ATXN7L1: variants seen among roughly 807,000 people sequenced by gnomAD.
ATXN7L1 encodes ataxin 7 like 1, also known as ataxin-7-like protein 1.
ATXN7L1 carries 15 observed loss-of-function variants against 70.8 expected under a neutral mutation model. The ratio of observed to expected loss-of-function variants is 0.21; its 90% confidence interval spans 0.14 to 0.33. The LOEUF is 0.33. Ranked by LOEUF, ATXN7L1 falls within the 10% of genes least tolerant of loss-of-function variation. ATXN7L1 has a pLI of 1.00. For synonymous variants in ATXN7L1, 440 were observed against 445.1 expected, an observed-to-expected ratio of 0.99 and a Z score of 0.14; for missense variants, 975 against 1,097.1, an observed-to-expected ratio of 0.89 and a Z score of 1.57.
At chr7:105,609,611 T>C (rs1330079415) in intron 11 of ATXN7L1, among the ~76,000 whole-genome samples, 1 of 150,300 alleles carries the variant, frequency 6.7e-6, no homozygotes, top group East Asian at 2.0e-4. Context: ...ACTACAGGCA[T>C]CTGCTGCCAT....
rs113510362 is a variant in ATXN7L1 at position 105,722,899 on chromosome 7, A to C, written c.356-57611T>G. Among the ~76,000 whole-genome samples the C allele has an allele frequency of 4.4e-3, 652 of 146,664 alleles. 3 individuals are homozygous for C. Among genetic ancestry groups the C allele is most frequent in the African/African-American group, 0.016 (592 of 36,460 alleles). On this transcript the variant is annotated intron_variant, in intron 3 of 11. Transcript: ENST00000419735. Reference sequence around the variant, plus strand: ...GACTCCGGCTCAAAGAAATAAAATAAAATAAAATAAAATAATAAAATAAGA... The same window carrying C: ...GACTCCGGCTCAAAGAAATAAAATACAATAAAATAAAATAATAAAATAAGA...
intron 3 of ATXN7L1, among the ~76,000 whole-genome samples, chr7:105,675,271 T>A (rs1268139365): frequency 6.6e-6 from 1 of 152,318 alleles, no homozygotes. Context: ...TACACTCACA[T>A]TCACAAGGAA....
intron 3 of ATXN7L1, among the ~76,000 whole-genome samples, chr7:105,753,085 C>T (rs1226578181): frequency 6.6e-6 from 1 of 152,214 alleles, no homozygotes; most frequent in East Asian, 1.9e-4. Context: ...GTGATGTGAG[C>T]CACAGAGCTG....
chr7:105,664,573 G>GTATATATATATATATATATATATA (rs1802272602), intron 4 of ATXN7L1, among the ~76,000 whole-genome samples: 1 of 112,754 alleles, frequency 8.9e-6, no homozygotes, highest in African/African-American at 3.6e-5. Context: ...ATGTATGTGT[G>GTATATATATATATATATATATATA]TGTATATATA....
chr7:105,854,192 C>T (rs1815344718), intron 2 of ATXN7L1, among the ~76,000 whole-genome samples: 2 of 152,188 alleles, frequency 1.3e-5, no homozygotes, highest in African/African-American at 2.4e-5. Flanking sequence ...GACTGGTCCT[C>T]TCACTGTGCC....
At chr7:105,804,033 C>A (rs555185926) in intron 2 of ATXN7L1, among the ~76,000 whole-genome samples, 8 of 152,178 alleles carry the variant, frequency 5.3e-5, no homozygotes, top group African/African-American at 1.9e-4. Flanking sequence ...AGGACTTCTA[C>A]CAGCCTTGGC....
Position 105,788,671 on chromosome 7 carries a change from G to A in ATXN7L1, c.288C>T (p.Asp96=), listed in dbSNP as rs1383003852. ...AGGCACTGCACACTACGAGATAGAA[G>A]TCGTCATGTGCTGGGTAATGGCCAA... ...HLFGHYPAHD[D]FYLVVCSACN... The change falls in exon 3 of 12, where the codon GAC becomes GAT. Residue 96 remains aspartate, a synonymous_variant. Transcript: ENST00000419735. The A allele has an allele frequency of 3.1e-6, 5 of 1,613,910 alleles. No individual in the cohort carries two copies. Among genetic ancestry groups the A allele is most frequent in the Non-Finnish European group, 4.2e-6 (5 of 1,179,914 alleles).
In ATXN7L1 at chr7:105,749,998, T is replaced by C. The variant is rs541643878; in HGVS notation, c.355+38606A>G. On this transcript the variant is annotated intron_variant, in intron 3 of 11. Coordinates refer to ENST00000419735, the MANE Select transcript of ATXN7L1 (RefSeq NM_020725.2). Reference sequence around the variant, plus strand: ...GCACGATACACCTAAAATCTTAATTTGCCTTTAACAGCTGTACCCCACAGG... The same window carrying C: ...GCACGATACACCTAAAATCTTAATTCGCCTTTAACAGCTGTACCCCACAGG... Among the ~76,000 whole-genome samples, 16 of 152,000 alleles carry C rather than the reference T, an allele frequency of 1.1e-4. No homozygotes were observed. In the East Asian group the frequency reaches 3.1e-3, roughly 30 times the overall value.
chr7:105,707,001 G>C (rs1229816865), intron 3 of ATXN7L1, among the ~76,000 whole-genome samples: 1 of 152,110 alleles, frequency 6.6e-6, no homozygotes. Flanking sequence ...ATTTTAAGAG[G>C]GTTAATTCTC....
intron 3 of ATXN7L1, among the ~76,000 whole-genome samples, chr7:105,744,735 CTTTTTTTTTT>C (rs11465151): frequency 1.7e-5 from 2 of 117,126 alleles, no homozygotes; most frequent in Admixed American, 9.7e-5. Context: ...TCTTTCTTTA[CTTTTTTTTTT>C]TTTTTTTTTT....
chr7:105,662,079 CTTCTTTCT>C (rs1562967721), intron 4 of ATXN7L1, among the ~76,000 whole-genome samples: 1 of 73,020 alleles, frequency 1.4e-5, no homozygotes, highest in Non-Finnish European at 3.0e-5. Flanking sequence ...TCCTTCCTTC[CTTCTTTCT>C]TTTCTTTTCT....
chr7:105,669,144 G>A (rs940660139), intron 3 of ATXN7L1, among the ~76,000 whole-genome samples: 9 of 152,080 alleles, frequency 5.9e-5, no homozygotes, highest in Non-Finnish European at 7.4e-5. Context: ...GTCCAGCGGC[G>A]TGATCTTGGC....
At chr7:105,728,894 A>G (rs958774315) in intron 3 of ATXN7L1, among the ~76,000 whole-genome samples, 3 of 152,234 alleles carry the variant, frequency 2.0e-5, no homozygotes, top group Non-Finnish European at 4.4e-5. Context: ...GAGAAACAAA[A>G]TAAAGTAGTA....
rs565096805 is a variant in ATXN7L1, at chr7:105,749,055, T to C, written c.355+39549A>G. 2.0e-5 allele frequency among the ~76,000 whole-genome samples: 3 copies of C among 152,280 alleles called. No homozygotes were observed. In the South Asian group the frequency reaches 6.2e-4, roughly 32 times the overall value. Reference sequence around the variant, plus strand: ...GGGGGCACAGGAATTCGCCCCTCACTTTGGAATGCCCCACCTTACTGTTTT... The same window carrying C: ...GGGGGCACAGGAATTCGCCCCTCACCTTGGAATGCCCCACCTTACTGTTTT... On this transcript the variant is annotated intron_variant, in intron 3 of 11. Coordinates refer to ENST00000419735, the MANE Select transcript of ATXN7L1 (RefSeq NM_020725.2).
intron 2 of ATXN7L1, among the ~76,000 whole-genome samples, chr7:105,842,822 G>C (rs1585131590): frequency 6.6e-6 from 1 of 152,060 alleles, no homozygotes; most frequent in Admixed American, 6.5e-5. Context: ...AATGTGTAAG[G>C]GTTTCAATTT....
In ATXN7L1 at chr7:105,756,906, T is replaced by C. The variant is rs78014354; in HGVS notation, c.355+31698A>G. Among the ~76,000 whole-genome samples the C allele has an allele frequency of 3.2e-3, 481 of 152,294 alleles. 2 individuals are homozygous for C. The highest frequency in any genetic ancestry group is 0.011 in the African/African-American group (458 of 41,556). On this transcript the variant is annotated intron_variant, in intron 3 of 11. Coordinates refer to ENST00000419735, the MANE Select transcript of ATXN7L1 (RefSeq NM_020725.2). ...ACAAAATAAATGAATAGTGTTATACTAGTAGATGGGAGTTTTTTTTAACAC... is the reference window on the plus strand; with the variant it reads ...ACAAAATAAATGAATAGTGTTATACCAGTAGATGGGAGTTTTTTTTAACAC...
At chr7:105,690,404 G>C (rs1460226889) in intron 3 of ATXN7L1, among the ~76,000 whole-genome samples, 2 of 152,176 alleles carry the variant, frequency 1.3e-5, no homozygotes, top group Non-Finnish European at 1.5e-5. Context: ...TCATCCTAAT[G>C]GTCACATTTA....
At chr7:105,756,236 G>A (rs1799784422) in intron 3 of ATXN7L1, among the ~76,000 whole-genome samples, 1 of 151,206 alleles carries the variant, frequency 6.6e-6, no homozygotes, top group South Asian at 2.1e-4. Context: ...TCATTTTCAT[G>A]CAAATAATCA....
At chr7:105,863,450 ATGAG>A (rs1183122252) in intron 2 of ATXN7L1, among the ~76,000 whole-genome samples, 4 of 152,200 alleles carry the variant, frequency 2.6e-5, no homozygotes, top group African/African-American at 9.6e-5. Context: ...TGGTGAGAGG[ATGAG>A]TGAAGTCAGG....
Sources: gnomAD v4.1 joint callset for allele counts (sites outside exome capture counted in the v4.1 genomes callset) on GRCh38, gnomAD v4.1.1 for gene constraint, MANE v1.5 for transcripts, NCBI Gene and HGNC (gene_info 2026-07-23, HGNC 2026-07-21) for gene names.